The following ADCY10 variants were observed in gnomAD, a reference collection of about 807,000 sequenced individuals.
The protein encoded by ADCY10 is adenylate cyclase type 10.
ADCY10 carries 156 observed loss-of-function variants against 183.3 expected under a neutral mutation model. That is an observed-to-expected ratio of 0.85 (90% CI 0.75 to 0.97). The LOEUF (loss-of-function observed/expected upper bound fraction) is 0.97. Ranked by LOEUF, ADCY10 falls within the 50% of genes least tolerant of loss-of-function variation. The pLI is 0.00. For synonymous variants in ADCY10, 645 were observed against 670.0 expected, an observed-to-expected ratio of 0.96 and a Z score of 0.58; for missense variants, 1,745 against 1,934.3, an observed-to-expected ratio of 0.90 and a Z score of 1.84.
chr1:167,829,691 G>A (rs1428926916), intron 25 of ADCY10, among the ~76,000 whole-genome samples: 1 of 152,204 alleles, frequency 6.6e-6, no homozygotes, highest in Non-Finnish European at 1.5e-5. Context: ...ATTGCTAAAT[G>A]AAGCTATTTA....
chr1:167,883,327 C>A (rs1330269918), intron 9 of ADCY10, 110 bp downstream of exon 9: 2 of 1,271,606 alleles, frequency 1.6e-6, no homozygotes, highest in African/African-American at 1.5e-5. Flanking sequence ...CGTGAGCCAC[C>A]ACGCCCAGCC....
At chr1:167,912,662 G>A (rs1033940810) in intron 1 of ADCY10, among the ~76,000 whole-genome samples, 18 of 152,168 alleles carry the variant, frequency 1.2e-4, no homozygotes, top group Non-Finnish European at 1.8e-4. Context: ...GTATGGGGGA[G>A]CTTCTTCCCT....
At chr1:167,817,699 T>G (rs1399384666) in intron 31 of ADCY10, among the ~76,000 whole-genome samples, 1 of 152,224 alleles carries the variant, frequency 6.6e-6, no homozygotes, top group Admixed American at 6.5e-5. Flanking sequence ...TATCCAATAA[T>G]AATTAGGCCA....
chr1:167,906,205 G>C (rs1669801174), intron 1 of ADCY10, among the ~76,000 whole-genome samples: 2 of 151,836 alleles, frequency 1.3e-5, no homozygotes, highest in African/African-American at 2.4e-5. Context: ...ACATTTAACA[G>C]ACAAACTTTA....
At chr1:167,888,791 G>C (rs1027703241) in intron 8 of ADCY10, among the ~76,000 whole-genome samples, 6 of 151,158 alleles carry the variant, frequency 4.0e-5, no homozygotes, top group Non-Finnish European at 7.4e-5. Flanking sequence ...CAGGAGAATA[G>C]AGTGAACCCG....
intron 2 of ADCY10, among the ~76,000 whole-genome samples, chr1:167,904,290 G>A (rs1175958181): frequency 6.6e-6 from 1 of 152,036 alleles, no homozygotes; most frequent in Non-Finnish European, 1.5e-5. Flanking sequence ...GTTTCACCAT[G>A]TTAGCCAGGA....
At chr1:167,896,492 G>T in intron 7 of ADCY10, 103 bp downstream of exon 7, 1 of 912,694 alleles carries the variant, frequency 1.1e-6, no homozygotes, top group Non-Finnish European at 1.8e-6. Flanking sequence ...ACCAGGAGCT[G>T]TGTTGAGGAG....
At chr1:167,893,723 A>C (rs985178195) in intron 8 of ADCY10, 130 bp downstream of exon 8, 66 of 489,142 alleles carry the variant, frequency 1.3e-4, no homozygotes, top group Non-Finnish European at 2.4e-4. Context: ...AAAAAAAGGA[A>C]GTCTTTTTAT....
intron 14 of ADCY10, among the ~76,000 whole-genome samples, chr1:167,863,456 G>A (rs1666437125): frequency 6.6e-6 from 1 of 152,006 alleles, no homozygotes. Flanking sequence ...CAGAAGTTGA[G>A]CATCAGACGA....
At chr1:167,828,171 A>G (rs928397310) in intron 26 of ADCY10, among the ~76,000 whole-genome samples, 3 of 152,230 alleles carry the variant, frequency 2.0e-5, no homozygotes, top group Admixed American at 2.0e-4. Flanking sequence ...TGATATTAAT[A>G]TAAGTGATAT....
chr1:167,867,578 G>C (rs203811), intron 14 of ADCY10, among the ~76,000 whole-genome samples: 3,292 of 152,214 alleles, frequency 0.022, 92 homozygotes, highest in African/African-American at 0.068. Context: ...CCAACCTGAT[G>C]TGTGTTATGA....
In ADCY10 at chr1:167,836,338, C is replaced by A. The variant is rs777293601; in HGVS notation, c.3280G>T (p.Ala1094Ser). 1 of 1,613,708 alleles carries A rather than the reference C, an allele frequency of 6.2e-7. No homozygotes were observed. The highest frequency in any genetic ancestry group is 8.5e-7 in the Non-Finnish European group (1 of 1,179,650). ...ALYYFLEIAS[A>S]YLIFCDNYMA... ...TAGTTATCACAAAAGATGAGATAAG[C>A]AGATGCAATTTCTAAGAAGTAATAT... Residue 1094 changes from alanine to serine, a missense_variant, in exon 23 of 33, where the codon GCT becomes TCT. By Grantham distance (99) the Ala-to-Ser change is moderately conservative. Transcript: ENST00000367851.
Position 167,856,345 on chromosome 1 carries a change from A to G in ADCY10, c.1991T>C (p.Leu664Pro). The change falls in exon 17 of 33, where the codon CTT becomes CCT. Residue 664 changes from leucine to proline, a missense_variant. Transcript: ENST00000367851. ...WRFMEKLIRTLPIFIIMSLCP... is the reference protein window; with the variant it reads ...WRFMEKLIRTPPIFIIMSLCP... ...CAGGGACATAATGATGAAGATAGGA[A>G]GAGTCCGGATAAGCTTCTCCATAAA... The G allele has an allele frequency of 6.2e-7, 1 of 1,614,080 alleles. No homozygotes were observed. The highest frequency in any genetic ancestry group is 8.5e-7 in the Non-Finnish European group (1 of 1,179,954).
chr1:167,911,810 T>C (rs183926046), intron 1 of ADCY10, among the ~76,000 whole-genome samples: 3 of 152,292 alleles, frequency 2.0e-5, no homozygotes, highest in Admixed American at 2.0e-4. Context: ...AGAGATGAAT[T>C]AGATGATTGT....
At chr1:167,866,537 A>C (rs1666708558) in intron 14 of ADCY10, among the ~76,000 whole-genome samples, 1 of 62,514 alleles carries the variant, frequency 1.6e-5, no homozygotes, top group Non-Finnish European at 2.6e-5. Context: ...TGCCAAAAAA[A>C]AAAAAAAAAA....
At chr1:167,858,851 G>A (rs995844384) in intron 16 of ADCY10, among the ~76,000 whole-genome samples, 4 of 152,200 alleles carry the variant, frequency 2.6e-5, no homozygotes, top group Admixed American at 6.5e-5. Flanking sequence ...TTGAAGCAGA[G>A]AGGTGTGAAG....
intron 14 of ADCY10, among the ~76,000 whole-genome samples, chr1:167,865,077 A>G (rs930314989): frequency 6.6e-6 from 1 of 152,218 alleles, no homozygotes; most frequent in African/African-American, 2.4e-5. Flanking sequence ...GTTATAAAAA[A>G]TTTATGCAAA....
intron 1 of ADCY10, among the ~76,000 whole-genome samples, chr1:167,906,113 G>C (rs1159767678): frequency 6.6e-6 from 1 of 152,092 alleles, no homozygotes; most frequent in Admixed American, 6.5e-5. Context: ...TAGAGTATTA[G>C]AGGAAAAAAT....
rs1571429003 is a variant in ADCY10, at chr1:167,894,083, G to C, written c.740-142C>G. ...TTGTCAGGAGACTCTGGGACACCTAGGGGCTGAAAGGGCCAGGGGAAATCC... is the reference window on the plus strand; with the variant it reads ...TTGTCAGGAGACTCTGGGACACCTACGGGCTGAAAGGGCCAGGGGAAATCC... On this transcript the variant is annotated intron_variant, in intron 7 of 32. Transcript: ENST00000367851. The C allele has an allele frequency of 7.3e-6, 5 of 685,932 alleles. No individual in the cohort carries two copies. In the East Asian group the frequency reaches 1.1e-4, roughly 16 times the overall value. 42.5% of individuals were successfully genotyped at this position (685,932 alleles called of 1,614,324 possible).
Sources: gnomAD v4.1 joint callset for allele counts (sites outside exome capture counted in the v4.1 genomes callset) on GRCh38, gnomAD v4.1.1 for gene constraint, MANE v1.5 for transcripts, NCBI Gene and HGNC (gene_info 2026-07-23, HGNC 2026-07-21) for gene names.